CSRNP3: variants seen among roughly 807,000 people sequenced by gnomAD.
The protein encoded by CSRNP3 is cysteine/serine-rich nuclear protein 3.
In CSRNP3, 12 loss-of-function variants were observed where a neutral mutation model predicts 48.0. That is an observed-to-expected ratio of 0.25 (90% CI 0.16 to 0.41). The LOEUF (loss-of-function observed/expected upper bound fraction) is 0.41. Among genes scored for constraint, CSRNP3 ranks in the 10% least tolerant of loss-of-function variants. The pLI, the probability that CSRNP3 is intolerant of heterozygous loss-of-function variation, is 1.00. For synonymous variants in CSRNP3, 263 were observed against 269.7 expected (o/e 0.98, Z 0.24); for missense variants, 580 against 724.4 (o/e 0.80, Z 2.29).
intron 3 of CSRNP3, among the ~76,000 whole-genome samples, chr2:165,528,301 G>T (rs1684767144): frequency 6.6e-6 from 1 of 152,048 alleles, no homozygotes; most frequent in Non-Finnish European, 1.5e-5. Flanking sequence ...TGCTTCCTTT[G>T]CTGTGCAAAA....
chr2:165,575,229 C>T (rs1376884246), intron 3 of CSRNP3, among the ~76,000 whole-genome samples: 2 of 152,044 alleles, frequency 1.3e-5, no homozygotes, highest in Non-Finnish European at 2.9e-5. Flanking sequence ...CTGTCCTGCA[C>T]CAAATAAATG....
intron 5 of CSRNP3, among the ~76,000 whole-genome samples, chr2:165,668,059 C>A (rs1284129136): frequency 2.6e-5 from 4 of 152,216 alleles, no homozygotes; most frequent in Non-Finnish European, 5.9e-5. Flanking sequence ...CAGATGCCAT[C>A]TCTGCTCTCA....
Position 165,679,719 on chromosome 2 carries a change from T to C in CSRNP3, c.1724T>C (p.Ile575Thr). The change falls in exon 7 of 7, where the codon ATC becomes ACC. Residue 575 changes from isoleucine to threonine, a missense_variant. By Grantham distance (89) the Ile-to-Thr change is moderately conservative (BLOSUM62 -1). Transcript: ENST00000651982. ...AEKSILHEEC[I>T]KSPVVETVPV Reference sequence around the variant, plus strand: ...AAGAGCATATTGCATGAAGAGTGCATCAAATCACCCGTGGTTGAGACAGTC... The same window carrying C: ...AAGAGCATATTGCATGAAGAGTGCACCAAATCACCCGTGGTTGAGACAGTC... 1 of 1,613,918 alleles carries C rather than the reference T, an allele frequency of 6.2e-7. No homozygotes were observed. The highest frequency in any genetic ancestry group is 1.1e-5 in the South Asian group (1 of 91,080).
intron 3 of CSRNP3, among the ~76,000 whole-genome samples, chr2:165,555,636 G>T (rs892555648): frequency 6.6e-6 from 1 of 152,126 alleles, no homozygotes. Flanking sequence ...GGTGAAGCTG[G>T]GATGGTTACA....
intron 1 of CSRNP3, among the ~76,000 whole-genome samples, chr2:165,473,200 A>G (rs1683916070): frequency 6.6e-6 from 1 of 152,124 alleles, no homozygotes. Context: ...TTACTGCTTC[A>G]TGCTTCTTTC....
At chr2:165,525,841 T>G (rs546325118) in intron 3 of CSRNP3, among the ~76,000 whole-genome samples, 1 of 152,288 alleles carries the variant, frequency 6.6e-6, no homozygotes, top group Admixed American at 6.5e-5. Context: ...GATTTTCAAC[T>G]ATGTTTTCTT....
chr2:165,538,050 G>A (rs919251787), intron 3 of CSRNP3, among the ~76,000 whole-genome samples: 2 of 151,748 alleles, frequency 1.3e-5, no homozygotes, highest in African/African-American at 4.8e-5. Context: ...AACAGAGTTG[G>A]CCTGTATCTT....
chr2:165,503,886 G>A (rs1227387158), intron 2 of CSRNP3, among the ~76,000 whole-genome samples: 2 of 151,748 alleles, frequency 1.3e-5, no homozygotes, highest in African/African-American at 4.8e-5. Context: ...TTTAGTCATA[G>A]GATATACTTT....
At chr2:165,532,749 A>G (rs1684831274) in intron 3 of CSRNP3, among the ~76,000 whole-genome samples, 1 of 152,176 alleles carries the variant, frequency 6.6e-6, no homozygotes, top group Admixed American at 6.5e-5. Context: ...ATATTCAATT[A>G]GGAAAAGAGG....
At chr2:165,518,132 T>C (rs1369750467) in intron 3 of CSRNP3, among the ~76,000 whole-genome samples, 171 bp downstream of exon 3, 1 of 151,952 alleles carries the variant, frequency 6.6e-6, no homozygotes, top group African/African-American at 2.4e-5. Flanking sequence ...ACATACAGTA[T>C]TTAGTTTCAT....
chr2:165,575,167 A>G (rs1241697947), intron 3 of CSRNP3, among the ~76,000 whole-genome samples: 2 of 152,188 alleles, frequency 1.3e-5, no homozygotes, highest in African/African-American at 4.8e-5. Context: ...TCTTCTTTCC[A>G]TGCACGAAAT....
chr2:165,575,630 A>G (rs1159299363), intron 3 of CSRNP3, among the ~76,000 whole-genome samples: 1 of 152,122 alleles, frequency 6.6e-6, no homozygotes, highest in African/African-American at 2.4e-5. Flanking sequence ...TTTTATTATA[A>G]TGATTAAGAT....
At chr2:165,665,494 C>T (rs994774300) in intron 5 of CSRNP3, among the ~76,000 whole-genome samples, 1 of 152,150 alleles carries the variant, frequency 6.6e-6, no homozygotes, top group Non-Finnish European at 1.5e-5. Context: ...GGCAGGGTGG[C>T]TCGCACCTGT....
chr2:165,616,489 G>A (rs1480418309), intron 4 of CSRNP3, among the ~76,000 whole-genome samples: 1 of 152,034 alleles, frequency 6.6e-6, no homozygotes, highest in Non-Finnish European at 1.5e-5. Flanking sequence ...TCACCTCTCT[G>A]GTAAATAATT....
intron 3 of CSRNP3, among the ~76,000 whole-genome samples, chr2:165,581,779 C>T (rs557211940): frequency 3.3e-5 from 5 of 152,204 alleles, no homozygotes; most frequent in East Asian, 1.9e-4. Context: ...TCAGGCAATC[C>T]GCCCACCTCT....
At chr2:165,661,150 A>T (rs1687090798) in intron 5 of CSRNP3, among the ~76,000 whole-genome samples, 1 of 152,162 alleles carries the variant, frequency 6.6e-6, no homozygotes, top group Non-Finnish European at 1.5e-5. Flanking sequence ...CTATTCAAAA[A>T]TTTCACTCTG....
At chr2:165,594,993 G>T in intron 3 of CSRNP3, 50 bp from the exon 4 acceptor site, 1 of 1,563,950 alleles carries the variant, frequency 6.4e-7, no homozygotes, top group Non-Finnish European at 8.7e-7. Flanking sequence ...TTGGCTACAC[G>T]TTCAGCGGTC....
At chr2:165,585,890 C>T (rs915499402) in intron 3 of CSRNP3, among the ~76,000 whole-genome samples, 3 of 152,038 alleles carry the variant, frequency 2.0e-5, no homozygotes, top group African/African-American at 4.8e-5. Context: ...AAGGATAAAC[C>T]GAATCTCCCA....
At chr2:165,608,020 T>C (rs1296461646) in intron 4 of CSRNP3, among the ~76,000 whole-genome samples, 1 of 151,448 alleles carries the variant, frequency 6.6e-6, no homozygotes, top group Non-Finnish European at 1.5e-5. Flanking sequence ...TTATATTTGA[T>C]GACATCTTTG....
Sources: allele counts gnomAD v4.1 joint callset (sites outside exome capture counted in the v4.1 genomes callset), GRCh38; gene constraint gnomAD v4.1.1; transcripts MANE v1.5; gene names NCBI Gene and HGNC (gene_info 2026-07-23, HGNC 2026-07-21).